NELL1: variants seen among roughly 807,000 people sequenced by gnomAD.
The protein encoded by NELL1 is protein kinase C-binding protein NELL1.
A neutral mutation model predicts 107.4 loss-of-function variants in NELL1; 76 were observed. That is an observed-to-expected ratio of 0.71 (90% CI 0.59 to 0.86). The LOEUF is 0.86. Ranked by LOEUF, NELL1 falls within the 40% of genes least tolerant of loss-of-function variation. The probability of loss-of-function intolerance (pLI) is 0.00; values close to 1 mark genes in which losing one functional copy is unlikely to be tolerated. For missense variants in NELL1, 1,024 were observed against 1,005.5 expected (o/e 1.02, Z -0.25); for synonymous variants, 353 against 341.2 (o/e 1.03, Z -0.38).
intron 11 of NELL1, among the ~76,000 whole-genome samples, chr11:20,948,779 A>AC (rs1449770415): frequency 2.0e-5 from 3 of 151,612 alleles, no homozygotes; most frequent in Non-Finnish European, 2.9e-5. Context: ...AAAAAAAAAA[A>AC]AAAAAAAACA....
intron 14 of NELL1, among the ~76,000 whole-genome samples, chr11:21,263,093 T>C (rs904570228): frequency 1.3e-5 from 2 of 151,882 alleles, no homozygotes; most frequent in African/African-American, 2.4e-5. Context: ...TTCATGAACA[T>C]GGTGTCCTTT....
intron 12 of NELL1, among the ~76,000 whole-genome samples, chr11:20,964,199 G>T (rs1186582441): frequency 6.6e-6 from 1 of 152,084 alleles, no homozygotes; most frequent in African/African-American, 2.4e-5. Flanking sequence ...TTTTCAACAG[G>T]TTGGTCTTAA....
chr11:20,770,594 A>G (rs988108432), intron 2 of NELL1, among the ~76,000 whole-genome samples: 1 of 152,192 alleles, frequency 6.6e-6, no homozygotes, highest in Non-Finnish European at 1.5e-5. Flanking sequence ...AGTGAGGGAG[A>G]CCTCCTCAGC....
chr11:21,433,031 A>G (rs1230995823), intron 15 of NELL1, among the ~76,000 whole-genome samples: 2 of 152,012 alleles, frequency 1.3e-5, no homozygotes, highest in Admixed American at 1.3e-4. Flanking sequence ...TCCCTTTCCC[A>G]GCCTATAATG....
chr11:21,295,368 C>G (rs1006264201), intron 14 of NELL1, among the ~76,000 whole-genome samples: 2 of 151,896 alleles, frequency 1.3e-5, no homozygotes. Flanking sequence ...GTACCAGAAC[C>G]AAGCATCAAA....
chr11:20,884,862 T>A (rs1414105559), intron 4 of NELL1, among the ~76,000 whole-genome samples: 1 of 152,214 alleles, frequency 6.6e-6, no homozygotes, highest in African/African-American at 2.4e-5. Flanking sequence ...GTTCAATAAA[T>A]ATTTGTTGGT....
chr11:21,152,204 G>A (rs1856133504), intron 13 of NELL1, among the ~76,000 whole-genome samples: 1 of 152,314 alleles, frequency 6.6e-6, no homozygotes, highest in South Asian at 2.1e-4. Flanking sequence ...TTTGTGCAAA[G>A]CATTTGTTGT....
chr11:21,279,779 C>G (rs965045242), intron 14 of NELL1, among the ~76,000 whole-genome samples: 5 of 152,180 alleles, frequency 3.3e-5, no homozygotes, highest in Admixed American at 3.3e-4. Context: ...TTGTTTAGAG[C>G]AGCTTTATTC....
chr11:21,198,146 G>T (rs968308135), intron 13 of NELL1, among the ~76,000 whole-genome samples: 1 of 152,288 alleles, frequency 6.6e-6, no homozygotes, highest in Non-Finnish European at 1.5e-5. Flanking sequence ...TCCAAGGCTG[G>T]ACTCAGCTGG....
At chr11:21,148,357 C>G (rs752787569) in intron 13 of NELL1, among the ~76,000 whole-genome samples, 4 of 152,074 alleles carry the variant, frequency 2.6e-5, no homozygotes, top group African/African-American at 9.6e-5. Context: ...GAGAGGTCGC[C>G]GGGGGGAGGG....
chr11:21,462,342 C>T lies in NELL1; in HGVS notation c.1646-72032C>T, dbSNP rs187713500. Among the ~76,000 whole-genome samples the T allele has an allele frequency of 2.6e-5, 4 of 152,242 alleles. No individual in the cohort carries two copies. In the East Asian group the frequency reaches 7.7e-4, roughly 29 times the overall value. On this transcript the variant is annotated intron_variant, in intron 15 of 19. Coordinates refer to ENST00000357134, the MANE Select transcript of NELL1 (RefSeq NM_006157.5). Reference sequence around the variant, plus strand: ...CATGGATACCAATGGGCAGTGCTTGCTCCTTAGCTTAGCCCAAGTAGCTTT... The same window carrying T: ...CATGGATACCAATGGGCAGTGCTTGTTCCTTAGCTTAGCCCAAGTAGCTTT...
chr11:21,232,050 G>A (rs1382686691), intron 14 of NELL1, among the ~76,000 whole-genome samples: 1 of 150,826 alleles, frequency 6.6e-6, no homozygotes, highest in Non-Finnish European at 1.5e-5. Flanking sequence ...CCTGATCCCA[G>A]CACTTTGGGA....
chr11:21,037,884 G>A (rs1465414693), intron 12 of NELL1, among the ~76,000 whole-genome samples: 1 of 152,154 alleles, frequency 6.6e-6, no homozygotes. Flanking sequence ...GCTGGAAATG[G>A]AAGTGTCCCC....
In NELL1 at chr11:20,672,153, GGGTATAAGC is replaced by G. The variant is rs1853929711; in HGVS notation, c.55+2380_55+2388del. 2.0e-5 allele frequency among the ~76,000 whole-genome samples: 3 copies of G among 152,356 alleles called. No individual in the cohort carries two copies. In the South Asian group the frequency reaches 6.2e-4, roughly 32 times the overall value. ...ACTTAAAGTATCTTGTAGCTTGAGA[GGGTATAAGC>G]GGTAGCTTTCTGGAGGCAGCCCTCT... On this transcript the variant is annotated intron_variant, in intron 1 of 19. Coordinates refer to ENST00000357134, the MANE Select transcript of NELL1 (RefSeq NM_006157.5).
At chr11:21,291,377 T>C (rs1281846384) in intron 14 of NELL1, among the ~76,000 whole-genome samples, 1 of 151,962 alleles carries the variant, frequency 6.6e-6, no homozygotes, top group Non-Finnish European at 1.5e-5. Flanking sequence ...TAAATGCCCA[T>C]GGAAGAAAGC....
chr11:20,817,324 T>A (rs1857644416), intron 3 of NELL1, among the ~76,000 whole-genome samples: 1 of 152,190 alleles, frequency 6.6e-6, no homozygotes, highest in South Asian at 2.1e-4. Flanking sequence ...ATCTTGATGT[T>A]GGTCTGTTCA....
intron 14 of NELL1, among the ~76,000 whole-genome samples, chr11:21,254,848 A>G (rs146232494): frequency 8.2e-4 from 125 of 152,210 alleles, no homozygotes; most frequent in African/African-American, 2.8e-3. Flanking sequence ...GAGGGGATAC[A>G]GTGTGGTTGC....
At chr11:20,985,256 A>G (rs965794162) in intron 12 of NELL1, among the ~76,000 whole-genome samples, 37 of 152,240 alleles carry the variant, frequency 2.4e-4, no homozygotes, top group Non-Finnish European at 1.5e-4. Flanking sequence ...GTAAAATTCC[A>G]GTAGTCAGTG....
At chr11:20,996,996 A>G (rs1331818759) in intron 12 of NELL1, among the ~76,000 whole-genome samples, 1 of 152,060 alleles carries the variant, frequency 6.6e-6, no homozygotes, top group Non-Finnish European at 1.5e-5. Flanking sequence ...TCCCTACCCC[A>G]TGAGCATATC....
Sources: gnomAD v4.1 joint callset for allele counts (sites outside exome capture counted in the v4.1 genomes callset) on GRCh38, gnomAD v4.1.1 for gene constraint, MANE v1.5 for transcripts, NCBI Gene and HGNC (gene_info 2026-07-23, HGNC 2026-07-21) for gene names.